Variants in SLC24A1 observed in about 807,000 individuals in gnomAD.
The protein encoded by SLC24A1 is sodium/potassium/calcium exchanger 1.
SLC24A1 carries 52 observed loss-of-function variants against 88.1 expected under a neutral mutation model. That is an observed-to-expected ratio of 0.59 (90% CI 0.47 to 0.74). The LOEUF (loss-of-function observed/expected upper bound fraction) is 0.74. SLC24A1 is among the 30% of genes least tolerant of loss of function. The probability of loss-of-function intolerance (pLI) is 0.00; values close to 1 mark genes in which losing one functional copy is unlikely to be tolerated. For missense variants in SLC24A1, 1,173 were observed against 1,363.3 expected (o/e 0.86, Z 2.20); for synonymous variants, 455 against 498.0 (o/e 0.91, Z 1.15).
downstream of SLC24A1, chr15:65,659,260 T>C (rs1442653220): frequency 2.0e-5 from 3 of 151,244 alleles, no homozygotes; most frequent in Non-Finnish European, 2.9e-5. Flanking sequence ...CCAAAATGTA[T>C]GGTTAACAGA....
chr15:65,627,621 G>T (rs1368335269), intron 2 of SLC24A1, among the ~76,000 whole-genome samples: 1 of 152,124 alleles, frequency 6.6e-6, no homozygotes, highest in Non-Finnish European at 1.5e-5. Flanking sequence ...CCTAATGCAG[G>T]TCTTAGGGCA....
intron 6 of SLC24A1, among the ~76,000 whole-genome samples, chr15:65,646,370 C>A (rs1362545175): frequency 6.6e-6 from 1 of 152,138 alleles, no homozygotes; most frequent in Non-Finnish European, 1.5e-5. Context: ...AGCCACCACG[C>A]CCGGCCGTCT....
Position 65,648,408 on chromosome 15 carries a change from G to T in SLC24A1, c.2233-1974G>T, listed in dbSNP as rs377513072. ...CACAGCCCAGGGCTCTTGCTCAAGGGATGGACCAGCATATTGCTACAGGTT... is the reference window on the plus strand; with the variant it reads ...CACAGCCCAGGGCTCTTGCTCAAGGTATGGACCAGCATATTGCTACAGGTT... On this transcript the variant is annotated intron_variant, in intron 6 of 9. Transcript: ENST00000261892. 1.4e-3 allele frequency among the ~76,000 whole-genome samples: 207 copies of T among 152,276 alleles called. 1 individual carries two copies. Among genetic ancestry groups the T allele is most frequent in the African/African-American group, 4.6e-3 (193 of 41,548 alleles).
At chr15:65,644,604 G>T in intron 5 of SLC24A1, 91 bp downstream of exon 5, 1 of 862,214 alleles carries the variant, frequency 1.2e-6, no homozygotes, top group Non-Finnish European at 1.9e-6. Flanking sequence ...AGCCAGCCAG[G>T]CCAGGGGCTG....
At chr15:65,641,056 A>G (rs1009028913) in intron 4 of SLC24A1, among the ~76,000 whole-genome samples, 2 of 151,374 alleles carry the variant, frequency 1.3e-5, no homozygotes, top group Non-Finnish European at 2.9e-5. Flanking sequence ...GTGAGACTCC[A>G]CCTCAAATAA....
At chr15:65,626,120 T>C (rs2074507451) in intron 2 of SLC24A1, 150 bp downstream of exon 2, 1 of 681,340 alleles carries the variant, frequency 1.5e-6, no homozygotes, top group Non-Finnish European at 2.6e-6. Flanking sequence ...AGAGTACCTG[T>C]TCTCTGCCAG....
In SLC24A1 at chr15:65,655,442, G is replaced by A. The variant is rs886051356; in HGVS notation, c.*1363G>A. The A allele has an allele frequency of 2.0e-6, 2 of 985,272 alleles. No individual in the cohort carries two copies. The highest frequency in any genetic ancestry group is 3.5e-5 in the African/African-American group (2 of 57,244). The allele number at this position is 985,272 out of a possible 1,614,324, so 61.0% of individuals were successfully genotyped here. A position where few individuals can be genotyped will look rare whatever the true frequency, so the allele number is the denominator to read the frequency against. On this transcript the variant is annotated 3_prime_UTR_variant, in exon 10 of 10. Coordinates refer to ENST00000261892, the MANE Select transcript of SLC24A1 (RefSeq NM_004727.3). ...CAGTACTACTTCCAAGGTAGCTAGT[G>A]TAAAGGACACTTGAGTTTTTAAAAC...
In SLC24A1 at chr15:65,613,282, A is replaced by G. The variant is rs188097565; in HGVS notation, c.-228+669A>G. On this transcript the variant is annotated intron_variant, in intron 2 of 11. Coordinates refer to the SLC24A1 transcript ENST00000537259. Reference sequence around the variant, plus strand: ...GGCAGTGTTTGATCCCCAGTCTGACAGAGGAAAGGTTTATGACAGAAAAAC... The same window carrying G: ...GGCAGTGTTTGATCCCCAGTCTGACGGAGGAAAGGTTTATGACAGAAAAAC... Among the ~76,000 whole-genome samples the G allele has an allele frequency of 5.4e-4, 83 of 152,334 alleles. 2 individuals are homozygous for G. In the East Asian group the frequency reaches 0.016, roughly 29 times the overall value.
chr15:65,621,523 A>T (rs796931479), upstream of SLC24A1, among the ~76,000 whole-genome samples: 1 of 152,354 alleles, frequency 6.6e-6, no homozygotes, highest in African/African-American at 2.4e-5. Flanking sequence ...CCTTACAAAT[A>T]GGAAGGACAG....
chr15:65,649,916 C>G (rs1455069340), intron 6 of SLC24A1, among the ~76,000 whole-genome samples: 1 of 152,166 alleles, frequency 6.6e-6, no homozygotes, highest in Non-Finnish European at 1.5e-5. Flanking sequence ...TTTGGATGCC[C>G]TCCTCCTGGG....
At chr15:65,647,433 G>A (rs1410486717) in intron 6 of SLC24A1, among the ~76,000 whole-genome samples, 1 of 140,590 alleles carries the variant, frequency 7.1e-6, no homozygotes, top group Admixed American at 7.9e-5. Context: ...AGCAGAAGTC[G>A]CACCACTACA....
chr15:65,640,059 GC>G (rs2075072453), intron 4 of SLC24A1, among the ~76,000 whole-genome samples: 1 of 152,324 alleles, frequency 6.6e-6, no homozygotes, highest in South Asian at 2.1e-4. Context: ...AAAGCCCACT[GC>G]CCAGGAGTCA....
At position 65,654,375 on chromosome 15, in the gene SLC24A1, A is replaced by T; in HGVS notation, c.*296A>T. 1.7e-6 allele frequency: 2 copies of T among 1,201,312 alleles called. No homozygotes were observed. The highest frequency in any genetic ancestry group is 4.3e-5 in the South Asian group (2 of 46,574). The allele number at this position is 1,201,312 out of a possible 1,614,324, so 74.4% of individuals were successfully genotyped here. ...GGAGCCAGAGGGTTTTCTAAATGAG[A>T]TAACTGGGGGCAAAGGTTGGGATAG... On this transcript the variant is annotated 3_prime_UTR_variant, in exon 10 of 10. Transcript: ENST00000261892.
intron 5 of SLC24A1, 120 bp downstream of exon 5, chr15:65,644,633 T>C (rs1358180358): frequency 1.5e-6 from 1 of 670,358 alleles, no homozygotes; most frequent in African/African-American, 1.8e-5. Flanking sequence ...CTTTGGCCTC[T>C]GTGAGCCAGT....
chr15:65,659,069 T>C (rs1225549650), downstream of SLC24A1: 1 of 152,012 alleles, frequency 6.6e-6, no homozygotes, highest in Non-Finnish European at 1.5e-5. Flanking sequence ...AAATACGATA[T>C]GGAATACAAA....
chr15:65,645,602 T>C lies in SLC24A1; in HGVS notation c.2141-10T>C. On this transcript the variant is annotated splice_polypyrimidine_tract_variant and intron_variant, in intron 5 of 9. Coordinates refer to ENST00000261892, the MANE Select transcript of SLC24A1 (RefSeq NM_004727.3). ...ACTCTTCTGATGTAACCCATGTTTA[T>C]CCTTTAAAGAGGAGGAGCCAGCCAA... 6.4e-7 allele frequency: 1 copy of C among 1,554,584 alleles called. No individual in the cohort carries two copies. The highest frequency in any genetic ancestry group is 8.7e-7 in the Non-Finnish European group (1 of 1,147,530).
intron 8 of SLC24A1, 117 bp downstream of exon 8, chr15:65,651,876 ATGT>A: frequency 4.3e-6 from 3 of 702,702 alleles, no homozygotes; most frequent in Non-Finnish European, 7.9e-6. Flanking sequence ...TGCAGTTTCT[ATGT>A]TGTTTGTAAA....
intron 2 of SLC24A1, among the ~76,000 whole-genome samples, chr15:65,636,938 C>T (rs2074959728): frequency 6.6e-6 from 1 of 151,600 alleles, no homozygotes; most frequent in South Asian, 2.1e-4. Context: ...GGAGTGTCTA[C>T]TCATTCAGCT....
chr15:65,643,487 T>C (rs1035457769), intron 4 of SLC24A1, among the ~76,000 whole-genome samples: 6 of 152,152 alleles, frequency 3.9e-5, no homozygotes, highest in Admixed American at 2.6e-4. Flanking sequence ...AAATTCAGAA[T>C]AGAGCCCGTA....
Sources: allele counts gnomAD v4.1 joint callset (sites outside exome capture counted in the v4.1 genomes callset), GRCh38; gene constraint gnomAD v4.1.1; transcripts MANE v1.5; gene names NCBI Gene and HGNC (gene_info 2026-07-23, HGNC 2026-07-21).